Variants in FYTTD1 observed in about 807,000 individuals in gnomAD.
FYTTD1 encodes forty-two-three domain containing 1.
Under a neutral mutation model 40.9 loss-of-function variants are expected in FYTTD1, and 22 were observed. The observed-to-expected ratio is 0.54, with a 90% CI of 0.38 to 0.77. FYTTD1 has a LOEUF of 0.77. Ranked by LOEUF, FYTTD1 falls within the 30% of genes least tolerant of loss-of-function variation. FYTTD1 has a pLI of 0.00. For synonymous variants in FYTTD1, 140 were observed against 137.9 expected, an observed-to-expected ratio of 1.01 and a Z score of -0.10; for missense variants, 351 against 392.2, an observed-to-expected ratio of 0.90 and a Z score of 0.89.
At chr3:197,754,091 CT>C (rs1477626579) in intron 1 of FYTTD1, among the ~76,000 whole-genome samples, 1 of 151,856 alleles carries the variant, frequency 6.6e-6, no homozygotes, top group Non-Finnish European at 1.5e-5. Context: ...TACTTTGCCT[CT>C]TTTTTTTAAT....
rs1379472521 is a variant in FYTTD1 at position 197,769,975 on chromosome 3, TA to T, written c.385-156del. On this transcript the variant is annotated intron_variant, in intron 3 of 8. Coordinates refer to ENST00000241502, the MANE Select transcript of FYTTD1 (RefSeq NM_032288.7). ...TGGGGTTTTCATCTTTTCAGTCATG[TA>T]GACTGTACAGTTTCAAGTTGTTTGT... Among the ~76,000 whole-genome samples, 6 of 152,346 alleles carry T rather than the reference TA, an allele frequency of 3.9e-5. No individual in the cohort carries two copies. The South Asian group carries it at 1.2e-3, about 32-fold the overall frequency.
intron 6 of FYTTD1, among the ~76,000 whole-genome samples, chr3:197,776,701 A>T (rs575251237): frequency 5.5e-4 from 83 of 152,088 alleles, no homozygotes; most frequent in African/African-American, 1.9e-3. Flanking sequence ...TGATTTTTTT[A>T]AATTTGTATA....
chr3:197,764,312 A>G (rs1729474689), intron 2 of FYTTD1, among the ~76,000 whole-genome samples: 1 of 152,194 alleles, frequency 6.6e-6, no homozygotes, highest in Admixed American at 6.6e-5. Context: ...GTAATGTGAC[A>G]ATGAAAGGGT....
intron 2 of FYTTD1, among the ~76,000 whole-genome samples, chr3:197,767,171 C>T (rs998261972): frequency 2.0e-5 from 3 of 151,936 alleles, no homozygotes; most frequent in Admixed American, 6.6e-5. Flanking sequence ...GACGGAGTCT[C>T]GCTCTTCGCC....
chr3:197,753,961 C>G (rs1177128230), intron 1 of FYTTD1, among the ~76,000 whole-genome samples: 1 of 152,012 alleles, frequency 6.6e-6, no homozygotes, highest in Non-Finnish European at 1.5e-5. Flanking sequence ...AGGATGGTCT[C>G]GATCTCCTGA....
chr3:197,763,289 C>T (rs1729443826), intron 2 of FYTTD1, among the ~76,000 whole-genome samples: 2 of 151,910 alleles, frequency 1.3e-5, no homozygotes, highest in African/African-American at 4.8e-5. Context: ...TGGCACATAG[C>T]TGTAATCCCA....
intron 2 of FYTTD1, among the ~76,000 whole-genome samples, chr3:197,758,780 A>G (rs548835180): frequency 2.0e-5 from 3 of 152,336 alleles, no homozygotes; most frequent in Non-Finnish European, 4.4e-5. Context: ...TTAAACTCTG[A>G]TTGGCTAGGA....
At chr3:197,775,599 A>G (rs1401928681) in intron 6 of FYTTD1, among the ~76,000 whole-genome samples, 2 of 152,202 alleles carry the variant, frequency 1.3e-5, no homozygotes, top group Non-Finnish European at 2.9e-5. Context: ...CTGCGGTTGC[A>G]ACTGATTGAA....
At chr3:197,779,879 T>C (rs1196661195) in intron 8 of FYTTD1, among the ~76,000 whole-genome samples, 6 of 94,802 alleles carry the variant, frequency 6.3e-5, no homozygotes, top group East Asian at 3.2e-4. Flanking sequence ...AGGCACACAC[T>C]GCCACACCTG....
chr3:197,749,994 T>C lies in FYTTD1; in HGVS notation c.23T>C (p.Leu8Ser). ...GCCATGAACCGGTTTGGTACCCGGT[T>C]GGTGGGAGCCACGGCGACTTCTTCG... MNRFGTR[L>S]VGATATSSPP... is the part of the protein sequence containing the mutation. Residue 8 changes from leucine to serine, a missense_variant, in exon 1 of 9, where the codon TTG becomes TCG. Leu to Ser is a moderately radical substitution (Grantham distance 145). Coordinates refer to ENST00000241502, the MANE Select transcript of FYTTD1 (RefSeq NM_032288.7). 6.3e-7 allele frequency: 1 copy of C among 1,582,872 alleles called. No individual in the cohort carries two copies. The highest frequency in any genetic ancestry group is 8.6e-7 in the Non-Finnish European group (1 of 1,166,480).
chr3:197,759,046 C>A (rs1729289054), intron 2 of FYTTD1, among the ~76,000 whole-genome samples: 1 of 151,932 alleles, frequency 6.6e-6, no homozygotes, highest in African/African-American at 2.4e-5. Context: ...TAGAGTTGTT[C>A]TTCAGTGGTA....
At chr3:197,771,396 G>A (rs931371050) in intron 4 of FYTTD1, among the ~76,000 whole-genome samples, 1 of 152,196 alleles carries the variant, frequency 6.6e-6, no homozygotes, top group Non-Finnish European at 1.5e-5. Flanking sequence ...AGTGGCTCAT[G>A]CCTGTATTCC....
Position 197,768,555 on chromosome 3 carries a change from A to G in FYTTD1, c.352A>G (p.Ser118Gly). Residue 118 changes from serine to glycine, a missense_variant, in exon 3 of 9, where the codon AGT (serine) becomes GGT (glycine). Coordinates refer to ENST00000241502, the MANE Select transcript of FYTTD1 (RefSeq NM_032288.7). ...RKTTGIRKGI[S>G]PMNRPPLSDK... ...AACGACTGGAATTCGAAAAGGAATT[A>G]GTCCTATGAATCGTCCACCTCTAAG... 6.2e-7 allele frequency: 1 copy of G among 1,613,932 alleles called. No homozygotes were observed. The highest frequency in any genetic ancestry group is 8.5e-7 in the Non-Finnish European group (1 of 1,179,832).
intron 3 of FYTTD1, among the ~76,000 whole-genome samples, chr3:197,769,586 A>T (rs1330211005): frequency 6.6e-6 from 1 of 152,164 alleles, no homozygotes; most frequent in Non-Finnish European, 1.5e-5. Flanking sequence ...GAAAAAGAGG[A>T]TGTCTCATGT....
rs148254456 is a variant in FYTTD1 at position 197,773,370 on chromosome 3, T to C, written c.498-33T>C. The C allele has an allele frequency of 1.7e-4, 219 of 1,307,380 alleles. No individual in the cohort carries two copies. The East Asian group carries it at 4.0e-3, about 24-fold the overall frequency. 81.0% of individuals were successfully genotyped at this position (1,307,380 alleles called of 1,614,324 possible). On this transcript the variant is annotated intron_variant, in intron 4 of 8. Coordinates refer to ENST00000241502, the MANE Select transcript of FYTTD1 (RefSeq NM_032288.7). ...CTCAAGATGTTTGAAAGTAGTTAAA[T>C]GGCTTAGCATGGCCTATGTGTTTTT...
intron 2 of FYTTD1, among the ~76,000 whole-genome samples, chr3:197,766,162 CAA>C (rs746851412): frequency 0.19 from 8,804 of 46,004 alleles, 520 homozygotes; most frequent in East Asian, 0.3. Flanking sequence ...GACTCTGTCT[CAA>C]AAAAAAAAAA....
Position 197,750,015 on chromosome 3 carries a change from C to A in FYTTD1, c.44C>A (p.Ser15Tyr), listed in dbSNP as rs773349004. The A allele has an allele frequency of 1.1e-5, 17 of 1,585,196 alleles. No homozygotes were observed. Among genetic ancestry groups the A allele is most frequent in the African/African-American group, 1.4e-5 (1 of 72,062 alleles). The part of the protein sequence containing the change: ...GTRLVGATAT[S>Y]SPPPKARSNE... ...CGGTTGGTGGGAGCCACGGCGACTT[C>A]TTCGCCGCCGCCGAAGGCCCGCAGC... is the stretch of plus-strand genomic sequence containing the variant. The change falls in exon 1 of 9, where the codon TCT (serine) becomes TAT (tyrosine). Residue 15 changes from serine to tyrosine, a missense_variant. Ser to Tyr is a moderately radical substitution (Grantham distance 144). Transcript: ENST00000241502.
intron 2 of FYTTD1, among the ~76,000 whole-genome samples, chr3:197,758,419 C>T (rs1013752192): frequency 6.6e-6 from 1 of 152,102 alleles, no homozygotes; most frequent in Non-Finnish European, 1.5e-5. Context: ...AAGATGTGGT[C>T]TTCTACTTCA....
At position 197,750,088 on chromosome 3, in the gene FYTTD1, T is replaced by G. The variant is rs1208693358; in HGVS notation, c.103+14T>G. On this transcript the variant is annotated intron_variant, in intron 1 of 8. Coordinates refer to ENST00000241502, the MANE Select transcript of FYTTD1 (RefSeq NM_032288.7). ...ATATGTCTTTGGGTGAGGGGCCGAG[T>G]TGGACCGAGTTGGAGTGCGGGGGAG... 1 of 1,544,128 alleles carries G rather than the reference T, an allele frequency of 6.5e-7. No individual in the cohort carries two copies. The highest frequency in any genetic ancestry group is 2.6e-5 in the East Asian group (1 of 37,980).
Sources: allele counts gnomAD v4.1 joint callset (sites outside exome capture counted in the v4.1 genomes callset), GRCh38; gene constraint gnomAD v4.1.1; transcripts MANE v1.5; gene names NCBI Gene and HGNC (gene_info 2026-07-23, HGNC 2026-07-21).